The following ATP6V1E1 variants were observed in gnomAD, a reference collection of about 807,000 sequenced individuals.
ATP6V1E1 encodes ATPase H+ transporting V1 subunit E1, also known as V-type proton ATPase subunit E 1.
Under a neutral mutation model 35.2 loss-of-function variants are expected in ATP6V1E1, and 21 were observed. That is an observed-to-expected ratio of 0.60 (90% confidence interval 0.42 to 0.86). ATP6V1E1 has a LOEUF of 0.86. ATP6V1E1 is among the 40% of genes least tolerant of loss of function. The probability of loss-of-function intolerance (pLI) is 0.00; values close to 1 mark genes in which losing one functional copy is unlikely to be tolerated. For missense variants in ATP6V1E1, 183 were observed against 272.6 expected (o/e 0.67, Z 2.32); for synonymous variants, 83 against 87.8 (o/e 0.95, Z 0.30).
intron 5 of ATP6V1E1, 188 bp downstream of exon 5, chr22:17,600,904 T>A: frequency 2.4e-6 from 1 of 423,244 alleles, no homozygotes; most frequent in Non-Finnish European, 4.2e-6. Context: ...ATTTACTATT[T>A]TCCTATGCAG....
chr22:17,619,808 G>A (rs1413406301), intron 1 of ATP6V1E1, among the ~76,000 whole-genome samples: 1 of 152,124 alleles, frequency 6.6e-6, no homozygotes, highest in Non-Finnish European at 1.5e-5. Flanking sequence ...CCTATTCTCA[G>A]GAAACTTAGG....
At chr22:17,594,863 C>A (rs537510376) in intron 7 of ATP6V1E1, 183 of 288,322 alleles carry the variant, frequency 6.3e-4, no homozygotes, top group Non-Finnish European at 1.0e-3. Flanking sequence ...CATCACACAT[C>A]CTCCCCTATA....
chr22:17,612,854 T>A lies in ATP6V1E1; in HGVS notation c.234A>T (p.Gln78His). ...KKIQMSNLMN[Q>H]ARLKVLRARD... ...TTGCTCTGAGGACTTTGAGTCTCGC[T>A]TGATTCATCAAATTGGACATCTGAC... is the stretch of plus-strand genomic sequence containing the variant. Residue 78 changes from glutamine (Q) to histidine (H), a missense_variant, in exon 4 of 9, where the codon CAA (glutamine) becomes CAT (histidine). Transcript: ENST00000253413. The A allele has an allele frequency of 6.2e-7, 1 of 1,610,638 alleles. No homozygotes were observed. Among genetic ancestry groups the A allele is most frequent in the Non-Finnish European group, 8.5e-7 (1 of 1,179,526 alleles).
chr22:17,613,746 T>C (rs1248913857), intron 2 of ATP6V1E1, among the ~76,000 whole-genome samples: 1 of 151,866 alleles, frequency 6.6e-6, no homozygotes, highest in Non-Finnish European at 1.5e-5. Flanking sequence ...GGCGGGTGGA[T>C]CACGAGGTCA....
intron 4 of ATP6V1E1, among the ~76,000 whole-genome samples, chr22:17,602,806 TG>T (rs2146300489): frequency 6.6e-6 from 1 of 152,350 alleles, no homozygotes; most frequent in African/African-American, 2.4e-5. Flanking sequence ...ATACATACTC[TG>T]TCCCTAAAAC....
intron 4 of ATP6V1E1, among the ~76,000 whole-genome samples, chr22:17,609,553 C>T (rs1458886419): frequency 6.8e-6 from 1 of 147,400 alleles, no homozygotes; most frequent in African/African-American, 2.5e-5. Flanking sequence ...ACTGCAAGCT[C>T]GGCCTCCTGG....
At chr22:17,622,999 T>C (rs564540261) in intron 1 of ATP6V1E1, among the ~76,000 whole-genome samples, 2 of 151,900 alleles carry the variant, frequency 1.3e-5, no homozygotes, top group Non-Finnish European at 2.9e-5. Context: ...ACAAAAAACA[T>C]ATAGGAGGAT....
rs997287766 is a variant in ATP6V1E1, at chr22:17,592,547, G to A, written c.*127C>T. ...AAGGCATGAGTGACAGAGGGGCATC[G>A]CTGATAAATACAGAGCAATACTGGG... On this transcript the variant is annotated 3_prime_UTR_variant, in exon 9 of 9. Coordinates refer to ENST00000253413, the MANE Select transcript of ATP6V1E1 (RefSeq NM_001696.4). 49 of 970,024 alleles carry A rather than the reference G, an allele frequency of 5.1e-5. No individual in the cohort carries two copies. The highest frequency in any genetic ancestry group is 7.7e-5 in the Admixed American group (4 of 51,644). 60.1% of individuals were successfully genotyped at this position (970,024 alleles called of 1,614,324 possible).
At chr22:17,620,729 T>C (rs575816077) in intron 1 of ATP6V1E1, among the ~76,000 whole-genome samples, 1 of 152,180 alleles carries the variant, frequency 6.6e-6, no homozygotes, top group East Asian at 1.9e-4. Flanking sequence ...CCTCAGTCCT[T>C]ATATCCAAGC....
intron 2 of ATP6V1E1, 23 bp from the exon 3 acceptor site, chr22:17,613,343 T>C (rs1392434950): frequency 6.3e-7 from 1 of 1,590,696 alleles, no homozygotes; most frequent in Non-Finnish European, 8.6e-7. Context: ...TAGTCAATAT[T>C]AATTCATTAC....
intron 5 of ATP6V1E1, 34 bp from the exon 6 acceptor site, chr22:17,600,129 T>G (rs377158776): frequency 2.5e-6 from 4 of 1,579,232 alleles, no homozygotes; most frequent in Non-Finnish European, 3.5e-6. Flanking sequence ...CAGTAGAAAA[T>G]GCAAACTATA....
At chr22:17,622,138 A>C (rs2057880633) in intron 1 of ATP6V1E1, among the ~76,000 whole-genome samples, 1 of 152,204 alleles carries the variant, frequency 6.6e-6, no homozygotes, top group South Asian at 2.1e-4. Flanking sequence ...GGGAGTGATG[A>C]AATCCAAAAA....
At chr22:17,608,998 A>T (rs1406304401) in intron 4 of ATP6V1E1, among the ~76,000 whole-genome samples, 1 of 151,758 alleles carries the variant, frequency 6.6e-6, no homozygotes, top group African/African-American at 2.4e-5. Context: ...GAGGCAGGAG[A>T]CTGGCGTGAA....
chr22:17,598,418 G>C lies in ATP6V1E1; in HGVS notation c.436-130C>G, dbSNP rs1305126321. On this transcript the variant is annotated intron_variant, in intron 6 of 8. Transcript: ENST00000253413. ...AAAAGAACAGAGGCACCGCTGGTGG[G>C]AATGTAAAACGGCACGGCCACTGAG... is the stretch of plus-strand genomic sequence containing the variant. 11 of 725,166 alleles carry C rather than the reference G, an allele frequency of 1.5e-5. No individual in the cohort carries two copies. The East Asian group carries it at 1.8e-4, about 12-fold the overall frequency. 44.9% of individuals were successfully genotyped at this position (725,166 alleles called of 1,614,324 possible). A position where few individuals can be genotyped will look rare whatever the true frequency, so the allele number is the denominator to read the frequency against.
intron 4 of ATP6V1E1, among the ~76,000 whole-genome samples, chr22:17,611,519 CACTT>C (rs2057815341): frequency 6.6e-6 from 1 of 152,220 alleles, no homozygotes; most frequent in Non-Finnish European, 1.5e-5. Context: ...TCCTCACTGA[CACTT>C]ACATCTGGAG....
intron 1 of ATP6V1E1, among the ~76,000 whole-genome samples, chr22:17,625,602 A>T (rs2057900057): frequency 1.3e-5 from 2 of 152,152 alleles, no homozygotes; most frequent in Admixed American, 1.3e-4. Flanking sequence ...ATCTCAGAAG[A>T]TTCATAAGAC....
chr22:17,593,619 G>A (rs1272677512), intron 8 of ATP6V1E1, among the ~76,000 whole-genome samples: 1 of 152,222 alleles, frequency 6.6e-6, no homozygotes, highest in African/African-American at 2.4e-5. Flanking sequence ...GATACTGGAT[G>A]GGACAGTGGC....
intron 4 of ATP6V1E1, among the ~76,000 whole-genome samples, chr22:17,602,200 T>C (rs1188989320): frequency 1.3e-5 from 2 of 151,620 alleles, no homozygotes; most frequent in African/African-American, 4.8e-5. Context: ...TGCCAACATA[T>C]CCAGCCTCAA....
chr22:17,617,590 G>A (rs2057853259), intron 2 of ATP6V1E1, among the ~76,000 whole-genome samples: 3 of 151,532 alleles, frequency 2.0e-5, no homozygotes, highest in African/African-American at 7.3e-5. Context: ...CACCGCCCCG[G>A]CCATATTTTG....
Sources: gnomAD v4.1 joint callset for allele counts (sites outside exome capture counted in the v4.1 genomes callset) on GRCh38, gnomAD v4.1.1 for gene constraint, MANE v1.5 for transcripts, NCBI Gene and HGNC (gene_info 2026-07-23, HGNC 2026-07-21) for gene names.